PDK3: variants seen among roughly 807,000 people sequenced by gnomAD.
PDK3 encodes the protein pyruvate dehydrogenase kinase 3, also known as pyruvate dehydrogenase kinase, isozyme 3.
A neutral mutation model predicts 32.0 loss-of-function variants in PDK3; 12 were observed. The ratio of observed to expected loss-of-function variants is 0.37; its 90% CI spans 0.24 to 0.61. The LOEUF (loss-of-function observed/expected upper bound fraction) is 0.61. PDK3 is among the 20% of genes least tolerant of loss of function. The pLI, the probability that PDK3 is intolerant of heterozygous loss-of-function variation, is 0.65. For synonymous variants in PDK3, 122 were observed against 116.3 expected, an observed-to-expected ratio of 1.05 and a Z score of -0.31; for missense variants, 188 against 316.9, an observed-to-expected ratio of 0.59 and a Z score of 3.09.
chrX:24,473,855 T>G (rs1322909123), intron 1 of PDK3, among the ~76,000 whole-genome samples: 2 of 112,020 alleles, frequency 1.8e-5, no homozygotes, highest in South Asian at 7.3e-4. Context: ...TTATGGTGGC[T>G]CCTTGTTATA....
At chrX:24,549,163 C>T (rs985747250) in exon 12 of PDK3, 9 of 111,235 alleles carry the variant, frequency 8.1e-5, no homozygotes, top group African/African-American at 2.0e-4. Context: ...TGCCTGCCAC[C>T]GAAGAGGGAC....
intron 1 of PDK3, among the ~76,000 whole-genome samples, chrX:24,469,183 C>T (rs1371981419): frequency 1.8e-5 from 2 of 111,970 alleles, no homozygotes; most frequent in African/African-American, 3.2e-5. Flanking sequence ...AACCTGCCCT[C>T]CAGTGAATTA....
intron 1 of PDK3, among the ~76,000 whole-genome samples, chrX:24,471,498 A>G (rs1403243389): frequency 8.9e-6 from 1 of 112,392 alleles, no homozygotes; most frequent in Non-Finnish European, 1.9e-5. Context: ...TTTGAAGCTC[A>G]TTATATGGTT....
intron 1 of PDK3, among the ~76,000 whole-genome samples, chrX:24,488,199 C>T (rs1921453774): frequency 9.0e-6 from 1 of 110,978 alleles, no homozygotes; most frequent in African/African-American, 3.3e-5. Flanking sequence ...GCTAGCTAAA[C>T]GCTCTTGGCT....
chrX:24,518,347 G>C (rs1922308415), intron 5 of PDK3, among the ~76,000 whole-genome samples: 1 of 111,644 alleles, frequency 9.0e-6, no homozygotes, highest in African/African-American at 3.3e-5. Context: ...GCTGGGCGTG[G>C]TGGCACACAC....
intron 6 of PDK3, among the ~76,000 whole-genome samples, chrX:24,522,531 T>C (rs957350137): frequency 2.7e-5 from 3 of 111,589 alleles, no homozygotes; most frequent in Non-Finnish European, 5.6e-5. Flanking sequence ...GTTGAATTCA[T>C]AAGGCTGTTT....
At position 24,505,270 on chromosome X, in the gene PDK3, C is replaced by T. The variant is rs140832139; in HGVS notation, c.567C>T (p.Pro189=). 2.1e-5 allele frequency: 25 copies of T among 1,201,446 alleles called. No homozygotes were observed. In the African/African-American group the frequency reaches 3.5e-4, roughly 17 times the overall value. The part of the protein sequence containing the change: ...VHPKHIGSID[P]TCNVADVVKD... The stretch of plus-strand genomic sequence containing the variant: ...CTAAACACATAGGAAGTATCGATCC[C>T]ACCTGTAACGTGGCGGATGTGGTGA... Residue 189 remains proline (P), a synonymous_variant, in exon 5 of 11, where the codon CCC becomes CCT. Coordinates refer to ENST00000379162, the MANE Select transcript of PDK3 (RefSeq NM_005391.5).
chrX:24,476,288 GA>G (rs1324149836), intron 1 of PDK3, among the ~76,000 whole-genome samples: 4 of 110,488 alleles, frequency 3.6e-5, no homozygotes, highest in Non-Finnish European at 5.7e-5. Flanking sequence ...AAAATATTCA[GA>G]AAAAAAATTC....
chrX:24,542,322 A>G (rs1410690883), exon 12 of PDK3, among the ~76,000 whole-genome samples: 1 of 112,331 alleles, frequency 8.9e-6, no homozygotes, highest in Non-Finnish European at 1.9e-5. Context: ...ATAGATTCCA[A>G]AGACCTTTTG....
intron 5 of PDK3, among the ~76,000 whole-genome samples, chrX:24,507,439 T>C (rs189862083): frequency 7.8e-4 from 88 of 112,219 alleles, no homozygotes; most frequent in African/African-American, 2.4e-3. Flanking sequence ...CAGACTTGAT[T>C]AAGTAACCTC....
At chrX:24,540,781 C>T (rs891503483) in exon 12 of PDK3, among the ~76,000 whole-genome samples, 4 of 103,784 alleles carry the variant, frequency 3.9e-5, no homozygotes, top group Middle Eastern at 4.6e-3. Flanking sequence ...GTCTGAGGAC[C>T]GAGTCAGTGT....
chrX:24,541,741 T>C (rs1922898298), exon 12 of PDK3, among the ~76,000 whole-genome samples: 1 of 112,756 alleles, frequency 8.9e-6, no homozygotes, highest in East Asian at 2.8e-4. Flanking sequence ...ATTCTTTTAA[T>C]TTAGGCAGAG....
At chrX:24,515,198 A>G (rs1328125097) in intron 5 of PDK3, among the ~76,000 whole-genome samples, 6 of 112,534 alleles carry the variant, frequency 5.3e-5, no homozygotes, top group Non-Finnish European at 1.1e-4. Flanking sequence ...GTGAGTCTAC[A>G]TTGTGATGAC....
At chrX:24,532,864 A>G (rs1024223176) in intron 10 of PDK3, among the ~76,000 whole-genome samples, 1 of 111,204 alleles carries the variant, frequency 9.0e-6, no homozygotes, top group Non-Finnish European at 1.9e-5. Context: ...AAACAGTGGC[A>G]TAACATGCCA....
At chrX:24,494,491 C>T (rs942995130) in intron 1 of PDK3, among the ~76,000 whole-genome samples, 1 of 111,849 alleles carries the variant, frequency 8.9e-6, no homozygotes, top group African/African-American at 3.3e-5. Flanking sequence ...CCGCTGGTAA[C>T]ACTAGGAACG....
intron 1 of PDK3, among the ~76,000 whole-genome samples, chrX:24,493,978 T>A (rs928933051): frequency 6.3e-5 from 7 of 111,975 alleles, no homozygotes; most frequent in African/African-American, 2.3e-4. Context: ...GTTTCCTCTT[T>A]TAAGTGGCCA....
intron 1 of PDK3, among the ~76,000 whole-genome samples, chrX:24,484,256 C>A (rs893347186): frequency 1.8e-5 from 2 of 112,038 alleles, no homozygotes; most frequent in African/African-American, 6.5e-5. Flanking sequence ...TCAAGTGATC[C>A]TCCCACCTTG....
chrX:24,497,483 G>A (rs755105923), intron 2 of PDK3, among the ~76,000 whole-genome samples: 6 of 111,412 alleles, frequency 5.4e-5, no homozygotes, highest in Admixed American at 4.7e-4. Flanking sequence ...ACGGGGTTTC[G>A]CCATGTTGGC....
intron 1 of PDK3, among the ~76,000 whole-genome samples, chrX:24,492,729 C>T (rs1053276162): frequency 1.8e-5 from 2 of 111,068 alleles, no homozygotes; most frequent in African/African-American, 6.5e-5. Flanking sequence ...TGGCTGGGCG[C>T]GGTGGCTCAT....
Sources: allele counts gnomAD v4.1 joint callset (sites outside exome capture counted in the v4.1 genomes callset), GRCh38; gene constraint gnomAD v4.1.1; transcripts MANE v1.5; gene names NCBI Gene and HGNC (gene_info 2026-07-23, HGNC 2026-07-21).